Variants in ST8SIA6 observed in about 807,000 individuals in gnomAD.
ST8SIA6 encodes the protein ST8 alpha-N-acetyl-neuraminide alpha-2,8-sialyltransferase 6.
Under a neutral mutation model 33.6 loss-of-function variants are expected in ST8SIA6, and 39 were observed. The observed-to-expected ratio is 1.16, with a 90% CI of 0.90 to 1.52. The LOEUF is 1.52. Among genes scored for constraint, ST8SIA6 ranks in the 40% most tolerant of loss-of-function variants. The pLI, the probability that ST8SIA6 is intolerant of heterozygous loss-of-function variation, is 0.00. For missense variants in ST8SIA6, 441 were observed against 443.8 expected (o/e 0.99, Z 0.06); for synonymous variants, 172 against 167.2 (o/e 1.03, Z -0.22).
intron 4 of ST8SIA6, among the ~76,000 whole-genome samples, chr10:17,359,089 G>T (rs1446901009): frequency 1.3e-5 from 2 of 152,158 alleles, no homozygotes; most frequent in Non-Finnish European, 2.9e-5. Flanking sequence ...TGTCACTTGT[G>T]TTAAAAAGTG....
chr10:17,440,362 T>C (rs530822553), intron 2 of ST8SIA6, among the ~76,000 whole-genome samples: 19 of 151,968 alleles, frequency 1.3e-4, no homozygotes, highest in Non-Finnish European at 1.5e-5. Context: ...CCCGCCACCA[T>C]ACCCTGCTAA....
Position 17,321,055 on chromosome 10 carries a change from C to G in ST8SIA6, c.1020G>C (p.Leu340=), listed in dbSNP as rs745915521. ...VAVELCKNVK[L]YGFWPFSKTV... ...TTTTAGAGAAGGGCCAGAATCCATA[C>G]AGCTTCACATTTTTACACAGTTCCA... Residue 340 remains leucine (L), a synonymous_variant, in exon 8 of 8, where the codon CTG becomes CTC. Transcript: ENST00000377602. 4 of 1,613,958 alleles carry G rather than the reference C, an allele frequency of 2.5e-6. No individual in the cohort carries two copies. The highest frequency in any genetic ancestry group is 2.2e-5 in the East Asian group (1 of 44,894).
intron 4 of ST8SIA6, among the ~76,000 whole-genome samples, chr10:17,339,061 T>C (rs1848593730): frequency 6.6e-6 from 1 of 152,240 alleles, no homozygotes; most frequent in Admixed American, 6.5e-5. Context: ...AAATCATCTT[T>C]GCATTACAAA....
At position 17,322,122 on chromosome 10, in the gene ST8SIA6, G is replaced by GGA. The variant is rs1478709559; in HGVS notation, c.729-777_729-776insTC. Among the ~76,000 whole-genome samples the GGA allele has an allele frequency of 4.9e-5, 7 of 144,072 alleles. No homozygotes were observed. The South Asian group carries it at 6.7e-4, about 14-fold the overall frequency. 94.5% of individuals were successfully genotyped at this position (144,072 alleles called of 152,430 possible). A position where few individuals can be genotyped will look rare whatever the true frequency, so the allele number is the denominator to read the frequency against. ...AGAGAGAGAGAGAGAGAGAGAGAGA[G>GGA]AGGAAGGAAGGAAGGAAGGGAGAAA... On this transcript the variant is annotated intron_variant, in intron 7 of 7. Coordinates refer to ENST00000377602, the MANE Select transcript of ST8SIA6 (RefSeq NM_001004470.3).
chr10:17,443,836 T>C (rs1852596205), intron 2 of ST8SIA6, among the ~76,000 whole-genome samples: 2 of 152,208 alleles, frequency 1.3e-5, no homozygotes. Flanking sequence ...TTCTCATGTT[T>C]ACCAAACCAT....
At chr10:17,434,966 C>A (rs1852206037) in intron 2 of ST8SIA6, among the ~76,000 whole-genome samples, 2 of 152,138 alleles carry the variant, frequency 1.3e-5, no homozygotes, top group Non-Finnish European at 2.9e-5. Context: ...CTCCAAGCTC[C>A]CAGATTCGGC....
chr10:17,414,675 T>G (rs963314085), intron 2 of ST8SIA6, among the ~76,000 whole-genome samples: 3 of 152,198 alleles, frequency 2.0e-5, no homozygotes, highest in Non-Finnish European at 4.4e-5. Flanking sequence ...TGTCTTTTCT[T>G]GGTGCATGCA....
chr10:17,368,232 CA>C (rs61426907), intron 3 of ST8SIA6, among the ~76,000 whole-genome samples: 2,030 of 74,080 alleles, frequency 0.027, 13 homozygotes, highest in African/African-American at 0.068. Context: ...CCTGTCTCTA[CA>C]AAAAAAAAAA....
At chr10:17,416,547 A>G (rs1264020875) in intron 2 of ST8SIA6, among the ~76,000 whole-genome samples, 4 of 152,100 alleles carry the variant, frequency 2.6e-5, no homozygotes, top group African/African-American at 7.2e-5. Flanking sequence ...CCCCATCTCT[A>G]TGGATGGTAA....
At position 17,356,389 on chromosome 10, in the gene ST8SIA6, C is replaced by CTT. The variant is rs56763058; in HGVS notation, c.377+3123_377+3124dup. Among the ~76,000 whole-genome samples the CTT allele has an allele frequency of 2.9e-4, 41 of 142,546 alleles. 1 individual carries two copies. Among genetic ancestry groups the CTT allele is most frequent in the East Asian group, 2.6e-3 (13 of 4,908 alleles). 93.5% of individuals were successfully genotyped at this position (142,546 alleles called of 152,430 possible). On this transcript the variant is annotated intron_variant, in intron 4 of 7. Coordinates refer to ENST00000377602, the MANE Select transcript of ST8SIA6 (RefSeq NM_001004470.3). ...AATGTATTATAGCCCCAGAGGTTTA[C>CTT]TTTTTTTTTTTTTTTGAGGTGGAGT...
intron 4 of ST8SIA6, among the ~76,000 whole-genome samples, chr10:17,356,534 T>C (rs2131614042): frequency 6.6e-6 from 1 of 152,118 alleles, no homozygotes; most frequent in African/African-American, 2.4e-5. Context: ...ATTACAAGTA[T>C]GCCCCGTTAT....
intron 7 of ST8SIA6, among the ~76,000 whole-genome samples, chr10:17,322,619 AGAAAT>A (rs1023131725): frequency 1.3e-4 from 20 of 152,354 alleles, no homozygotes; most frequent in Admixed American, 2.6e-4. Context: ...GTTATGTTGC[AGAAAT>A]GAAAGATGGT....
chr10:17,342,123 G>A (rs771551094), intron 4 of ST8SIA6, among the ~76,000 whole-genome samples: 7 of 152,226 alleles, frequency 4.6e-5, no homozygotes, highest in East Asian at 3.9e-4. Context: ...GACAAAGACC[G>A]ATACATAGAG....
At chr10:17,438,688 T>C in intron 2 of ST8SIA6, among the ~76,000 whole-genome samples, 1 of 152,318 alleles carries the variant, frequency 6.6e-6, no homozygotes, top group East Asian at 1.9e-4. Context: ...TCCTCAGCTA[T>C]TCTGTCATAC....
At position 17,359,576 on chromosome 10, in the gene ST8SIA6, C is replaced by T; in HGVS notation, c.315G>A (p.Gln105=). ...TKGYSENDYL[Q]IITDIQSCPW... ...GACAACTCTGTATATCTGTGATAAT[C>T]TGAAGGTAGTCGTTCTCTGAATACC... Residue 105 remains glutamine (Q), a synonymous_variant, in exon 4 of 8, where the codon CAG becomes CAA. Coordinates refer to ENST00000377602, the MANE Select transcript of ST8SIA6 (RefSeq NM_001004470.3). The T allele has an allele frequency of 1.9e-6, 3 of 1,604,998 alleles. No individual in the cohort carries two copies. Among genetic ancestry groups the T allele is most frequent in the Admixed American group, 1.7e-5 (1 of 58,632 alleles).
intron 2 of ST8SIA6, among the ~76,000 whole-genome samples, chr10:17,431,947 G>A (rs1477591097): frequency 2.0e-5 from 3 of 152,144 alleles, no homozygotes; most frequent in African/African-American, 7.2e-5. Context: ...ATAGGGCAAA[G>A]AAAGAGGAAG....
intron 2 of ST8SIA6, among the ~76,000 whole-genome samples, chr10:17,404,587 G>A (rs183150228): frequency 6.6e-6 from 1 of 152,110 alleles, no homozygotes; most frequent in Non-Finnish European, 1.5e-5. Context: ...TTTGATTTCT[G>A]ATAAAATTCT....
chr10:17,401,974 C>G (rs1320842077), intron 2 of ST8SIA6, among the ~76,000 whole-genome samples: 1 of 152,126 alleles, frequency 6.6e-6, no homozygotes, highest in Non-Finnish European at 1.5e-5. Context: ...GCAAAAGAAA[C>G]TACCATCAGA....
intron 4 of ST8SIA6, among the ~76,000 whole-genome samples, chr10:17,347,186 G>A (rs573724094): frequency 1.7e-4 from 26 of 152,268 alleles, no homozygotes; most frequent in African/African-American, 6.0e-4. Context: ...TTAAATCACT[G>A]GGTACTATAG....
Sources: allele counts gnomAD v4.1 joint callset (sites outside exome capture counted in the v4.1 genomes callset), GRCh38; gene constraint gnomAD v4.1.1; transcripts MANE v1.5; gene names NCBI Gene and HGNC (gene_info 2026-07-23, HGNC 2026-07-21).